The following FGF13 variants were observed in gnomAD, a reference collection of about 807,000 sequenced individuals.
FGF13 encodes fibroblast growth factor homologous factor 2.
In FGF13, 2 loss-of-function variants were observed where a neutral mutation model predicts 19.5. The observed-to-expected ratio is 0.10, with a 90% CI of 0.04 to 0.32. The LOEUF is 0.32. FGF13 is among the 10% of genes least tolerant of loss of function. The pLI is 1.00. For synonymous variants in FGF13, 72 were observed against 76.9 expected, an observed-to-expected ratio of 0.94 and a Z score of 0.33; for missense variants, 113 against 192.7, an observed-to-expected ratio of 0.59 and a Z score of 2.45.
At chrX:138,823,490 C>G (rs1173118261) in intron 3 of FGF13, among the ~76,000 whole-genome samples, 1 of 111,191 alleles carries the variant, frequency 9.0e-6, no homozygotes, top group Non-Finnish European at 1.9e-5. Flanking sequence ...CAATAAAACC[C>G]TGCCTTACTC....
chrX:138,877,114 G>C (rs942370719), intron 1 of FGF13, among the ~76,000 whole-genome samples: 3 of 111,303 alleles, frequency 2.7e-5, no homozygotes, highest in Non-Finnish European at 5.7e-5. Context: ...GGGCCTGTCA[G>C]GGGGTGGTGG....
At chrX:138,719,713 G>A (rs1454153986) in intron 1 of FGF13, among the ~76,000 whole-genome samples, 7 of 112,272 alleles carry the variant, frequency 6.2e-5, no homozygotes, top group Admixed American at 5.7e-4. Context: ...TTCCATACTC[G>A]GAAGCCCATG....
intron 3 of FGF13, among the ~76,000 whole-genome samples, chrX:138,766,253 G>T (rs1205228309): frequency 1.8e-5 from 2 of 112,282 alleles, no homozygotes; most frequent in Admixed American, 1.9e-4. Flanking sequence ...ACACAGATTT[G>T]CACCTGCTAC....
At chrX:139,144,225 G>T (rs969221132) in intron 1 of FGF13, among the ~76,000 whole-genome samples, 1 of 111,557 alleles carries the variant, frequency 9.0e-6, no homozygotes, top group African/African-American at 3.3e-5. Context: ...ACCCCCTCCT[G>T]GCCTGTGTGA....
intron 3 of FGF13, among the ~76,000 whole-genome samples, chrX:138,807,279 C>G (rs2090876733): frequency 9.0e-6 from 1 of 111,715 alleles, no homozygotes; most frequent in Non-Finnish European, 1.9e-5. Context: ...AACTGAAACA[C>G]TATGTGAAAC....
chrX:138,991,714 G>A (rs747627896), intron 1 of FGF13, among the ~76,000 whole-genome samples: 1 of 112,031 alleles, frequency 8.9e-6, no homozygotes, highest in East Asian at 2.8e-4. Flanking sequence ...GAAAGTTTGG[G>A]AAAGTATTTC....
intron 1 of FGF13, among the ~76,000 whole-genome samples, chrX:139,082,031 C>T (rs1431182771): frequency 9.0e-6 from 1 of 111,337 alleles, no homozygotes; most frequent in African/African-American, 3.3e-5. Flanking sequence ...ACCCAGATTG[C>T]TTCCCCCGAT....
intron 1 of FGF13, among the ~76,000 whole-genome samples, chrX:139,078,666 G>A (rs747324738): frequency 7.1e-5 from 8 of 112,675 alleles, no homozygotes; most frequent in Non-Finnish European, 1.5e-4. Context: ...TCTTTGATAA[G>A]ATTAGTGAAC....
At chrX:138,742,895 C>T (rs1289192897), upstream of FGF13, among the ~76,000 whole-genome samples, 1 of 112,136 alleles carries the variant, frequency 8.9e-6, no homozygotes, top group East Asian at 2.8e-4. Context: ...TGTTTACTTG[C>T]TGTGCCACCG....
rs80216851 is a variant in FGF13, at chrX:138,930,721, T to G, written c.-112-66071A>C. ...AGAGATGGTAACAAATAAGCCCAGC[T>G]GCTTCTGTACTGCAGCTGTTTACCA... On this transcript the variant is annotated intron_variant, in intron 1 of 2. Coordinates refer to the FGF13 transcript ENST00000421460. Among the ~76,000 whole-genome samples, 96 of 112,206 alleles carry G rather than the reference T, an allele frequency of 8.6e-4. No individual in the cohort carries two copies. In the East Asian group the frequency reaches 0.023, roughly 27 times the overall value.
At chrX:138,702,231 T>C (rs1207324349) in intron 3 of FGF13, among the ~76,000 whole-genome samples, 5 of 111,678 alleles carry the variant, frequency 4.5e-5, no homozygotes, top group African/African-American at 1.3e-4. Flanking sequence ...TAAAAATTCA[T>C]ATATCAAATA....
At chrX:138,884,521 A>C (rs2091442445) in intron 1 of FGF13, among the ~76,000 whole-genome samples, 1 of 112,607 alleles carries the variant, frequency 8.9e-6, no homozygotes, top group Non-Finnish European at 1.9e-5. Context: ...GAGAAAAGTC[A>C]AATTTGTTAC....
At chrX:138,764,851 T>C (rs1382781591) in intron 3 of FGF13, among the ~76,000 whole-genome samples, 1 of 112,367 alleles carries the variant, frequency 8.9e-6, no homozygotes, top group African/African-American at 3.2e-5. Context: ...AATTAGGTGA[T>C]GCATATAAAC....
intron 3 of FGF13, among the ~76,000 whole-genome samples, chrX:138,807,722 A>C (rs1380676717): frequency 3.6e-5 from 4 of 111,747 alleles, no homozygotes; most frequent in Admixed American, 9.5e-5. Context: ...AGACACACAT[A>C]GGCTCAAAAT....
chrX:138,739,635 A>G (rs2090306006), upstream of FGF13, among the ~76,000 whole-genome samples: 1 of 112,048 alleles, frequency 8.9e-6, no homozygotes, highest in Non-Finnish European at 1.9e-5. Context: ...AGGATCCCTC[A>G]GCACATTAGA....
chrX:138,958,616 C>G (rs1569430351), intron 1 of FGF13, among the ~76,000 whole-genome samples: 3 of 111,728 alleles, frequency 2.7e-5, no homozygotes, highest in Admixed American at 1.9e-4. Context: ...CTCCATGTAC[C>G]TCTGGTAGAA....
chrX:138,944,686 T>G (rs1010585666), intron 1 of FGF13, among the ~76,000 whole-genome samples: 5 of 110,957 alleles, frequency 4.5e-5, no homozygotes, highest in African/African-American at 1.6e-4. Context: ...GAAAATCCTC[T>G]AAAGCACTCT....
intron 3 of FGF13, among the ~76,000 whole-genome samples, chrX:138,655,710 G>A (rs1240158930): frequency 9.0e-6 from 1 of 111,009 alleles, no homozygotes; most frequent in African/African-American, 3.3e-5. Context: ...AATAATGATG[G>A]TAAAATAATA....
chrX:138,700,452 T>C (rs1392095991), intron 3 of FGF13, among the ~76,000 whole-genome samples: 17 of 111,332 alleles, frequency 1.5e-4, no homozygotes, highest in African/African-American at 5.6e-4. Context: ...GATATTTCAT[T>C]AAGCTTTTGA....
Sources: allele counts gnomAD v4.1 joint callset (sites outside exome capture counted in the v4.1 genomes callset), GRCh38; gene constraint gnomAD v4.1.1; transcripts MANE v1.5; gene names NCBI Gene and HGNC (gene_info 2026-07-23, HGNC 2026-07-21).